The following RPH3AL variants were observed in gnomAD, a reference collection of about 807,000 sequenced individuals.
RPH3AL encodes rabphilin 3A like (without C2 domains).
Under a neutral mutation model 43.1 loss-of-function variants are expected in RPH3AL, and 38 were observed. The ratio of observed to expected loss-of-function variants is 0.88; its 90% CI spans 0.68 to 1.15. The LOEUF is 1.15. Among genes scored for constraint, RPH3AL ranks in the 50% most tolerant of loss-of-function variants. RPH3AL has a pLI of 0.00. For synonymous variants in RPH3AL, 189 were observed against 176.3 expected, an observed-to-expected ratio of 1.07 and a Z score of -0.57; for missense variants, 462 against 423.2, an observed-to-expected ratio of 1.09 and a Z score of -0.81.
At chr17:352,474 C>T (rs562732252) in intron 1 of RPH3AL, 3 of 151,508 alleles carry the variant, frequency 2.0e-5, no homozygotes, top group Admixed American at 1.3e-4. Flanking sequence ...ACCTGCGGCA[C>T]GAGGCTGTTC....
chr17:261,256 G>A (rs374390425), intron 6 of RPH3AL, among the ~76,000 whole-genome samples: 1 of 152,228 alleles, frequency 6.6e-6, no homozygotes, highest in African/African-American at 2.4e-5. Context: ...ACTTGTGAGT[G>A]ACAATGGACC....
intron 5 of RPH3AL, among the ~76,000 whole-genome samples, chr17:316,188 ACCTGTAGTTCCTGTGCCCCACCTCCATTG>A: frequency 7.1e-6 from 1 of 140,564 alleles, no homozygotes; most frequent in Non-Finnish European, 1.5e-5. Context: ...ACCTCCACTG[ACCTGTAGTTCCTGTGCCCCACCTCCATTG>A]ACCTGTAGTC....
intron 5 of RPH3AL, among the ~76,000 whole-genome samples, chr17:311,129 T>A (rs2043636492): frequency 6.6e-6 from 1 of 152,092 alleles, no homozygotes; most frequent in Non-Finnish European, 1.5e-5. Flanking sequence ...GACTCCACCC[T>A]CTTACAAGTC....
At position 242,245 on chromosome 17, in the gene RPH3AL, ATGATTACCTTCCTCTAT is replaced by A. The variant is rs1567576113; in HGVS notation, c.613+4849_613+4865del. On this transcript the variant is annotated intron_variant, in intron 7 of 9. Transcript: ENST00000331302. Reference sequence around the variant, plus strand: ...AGTTCATGACTTGTAGTATCTATTCATGATTACCTTCCTCTATTGATTACCTTCCTCTATTGACTACC... The same window carrying A: ...AGTTCATGACTTGTAGTATCTATTCATGATTACCTTCCTCTATTGACTACC... Among the ~76,000 whole-genome samples the A allele has an allele frequency of 1.6e-3, 236 of 151,220 alleles. 4 individuals are homozygous for A. The highest frequency in any genetic ancestry group is 4.6e-3 in the African/African-American group (191 of 41,122).
intron 7 of RPH3AL, among the ~76,000 whole-genome samples, chr17:242,371 C>T (rs2041569211): frequency 1.1e-4 from 2 of 18,972 alleles, no homozygotes; most frequent in Non-Finnish European, 2.3e-4. Flanking sequence ...CTATTGACTA[C>T]CTTCCTCTAT....
chr17:315,001 G>A (rs2043886591), intron 5 of RPH3AL, among the ~76,000 whole-genome samples: 3 of 146,858 alleles, frequency 2.0e-5, no homozygotes, highest in Non-Finnish European at 4.4e-5. Flanking sequence ...CCATTGACCT[G>A]TAGTCTCTGT....
intron 5 of RPH3AL, among the ~76,000 whole-genome samples, chr17:309,998 G>A (rs890309000): frequency 2.5e-4 from 38 of 152,124 alleles, no homozygotes; most frequent in Non-Finnish European, 4.9e-4. Flanking sequence ...TCGTTTCATA[G>A]GCAGGCTCCC....
In RPH3AL at chr17:232,829, CGTGTGTGTGTGTGTGTGTGTGTGT is replaced by C. The variant is rs71143481; in HGVS notation, c.614-13117_614-13094del. Among the ~76,000 whole-genome samples the C allele has an allele frequency of 1.8e-3, 217 of 119,510 alleles. 2 individuals are homozygous for C. Among genetic ancestry groups the C allele is most frequent in the African/African-American group, 4.7e-3 (143 of 30,510 alleles). 78.4% of individuals were successfully genotyped at this position (119,510 alleles called of 152,430 possible). A position where few individuals can be genotyped will look rare whatever the true frequency, so the allele number is the denominator to read the frequency against. On this transcript the variant is annotated intron_variant, in intron 7 of 9. Transcript: ENST00000331302. ...CTTGTCTCTAAACAGTCCTTTCCGGCGTGTGTGTGTGTGTGTGTGTGTGTGTGTGTGTGTGTGTGTGTGTGTGTG... is the reference window on the plus strand; with the variant it reads ...CTTGTCTCTAAACAGTCCTTTCCGGCGTGTGTGTGTGTGTGTGTGTGTGTG...
In RPH3AL at chr17:267,575, G is replaced by A. The variant is rs1023131949; in HGVS notation, c.438+14193C>T. Among the ~76,000 whole-genome samples the A allele has an allele frequency of 5.9e-5, 9 of 152,212 alleles. No homozygotes were observed. In the South Asian group the frequency reaches 1.2e-3, roughly 21 times the overall value. Reference sequence around the variant, plus strand: ...AACCCTGTCTGGGCTGACCCCAATCGGCAGGGCTCGAGGGTGGTGCAGAGC... The same window carrying A: ...AACCCTGTCTGGGCTGACCCCAATCAGCAGGGCTCGAGGGTGGTGCAGAGC... On this transcript the variant is annotated intron_variant, in intron 6 of 9. Coordinates refer to ENST00000331302, the MANE Select transcript of RPH3AL (RefSeq NM_006987.4).
chr17:218,514 A>C (rs1384903826), intron 8 of RPH3AL, among the ~76,000 whole-genome samples: 1 of 152,280 alleles, frequency 6.6e-6, no homozygotes, highest in Non-Finnish European at 1.5e-5. Context: ...TGGGGCAGTT[A>C]TTATGGAGCC....
At chr17:276,427 T>C (rs1198100010) in intron 6 of RPH3AL, among the ~76,000 whole-genome samples, 1 of 152,240 alleles carries the variant, frequency 6.6e-6, no homozygotes, top group Non-Finnish European at 1.5e-5. Flanking sequence ...AGTGAGCCTT[T>C]CTCACTAAGG....
At chr17:315,230 A>C (rs1598092647) in intron 5 of RPH3AL, among the ~76,000 whole-genome samples, 3 of 71,162 alleles carry the variant, frequency 4.2e-5, no homozygotes, top group Admixed American at 2.3e-4. Flanking sequence ...CTGTGCCCCC[A>C]CCTTCATTCA....
At chr17:258,359 G>A (rs929730400) in intron 6 of RPH3AL, among the ~76,000 whole-genome samples, 8 of 152,236 alleles carry the variant, frequency 5.3e-5, no homozygotes, top group Admixed American at 2.0e-4. Context: ...GCTGCAACGT[G>A]TCTCAACCTA....
chr17:236,433 T>C (rs1305041332), intron 7 of RPH3AL, among the ~76,000 whole-genome samples: 1 of 152,070 alleles, frequency 6.6e-6, no homozygotes, highest in Non-Finnish European at 1.5e-5. Context: ...CCATCCGTTA[T>C]GTTTGACTAT....
intron 5 of RPH3AL, among the ~76,000 whole-genome samples, chr17:296,046 G>A (rs1302295769): frequency 6.9e-6 from 1 of 144,338 alleles, no homozygotes; most frequent in Admixed American, 6.9e-5. Flanking sequence ...GGGAGGGACA[G>A]AGGAGCTGCA....
chr17:226,023 G>A (rs992235884), intron 7 of RPH3AL, among the ~76,000 whole-genome samples: 9 of 152,228 alleles, frequency 5.9e-5, no homozygotes, highest in Non-Finnish European at 1.0e-4. Flanking sequence ...GTGCCATGTC[G>A]TGAGGACGGC....
At chr17:285,896 G>A (rs902776662) in intron 5 of RPH3AL, among the ~76,000 whole-genome samples, 2 of 152,146 alleles carry the variant, frequency 1.3e-5, no homozygotes, top group African/African-American at 4.8e-5. Flanking sequence ...CACCTCCCCT[G>A]CGATTCACTA....
rs74855059 is a variant in RPH3AL, at chr17:305,598, AC to A, written c.351+13821del. Among the ~76,000 whole-genome samples, 3,128 of 152,170 alleles carry A rather than the reference AC, an allele frequency of 0.021. 321 individuals carry two copies. The East Asian group carries it at 0.33, about 16-fold the overall frequency. Reference sequence around the variant, plus strand: ...AGCCCCAACATCTCAAGAGCAGGACACCCGAGTGGAGATACTAGGTCACAGG... The same window carrying A: ...AGCCCCAACATCTCAAGAGCAGGACACCGAGTGGAGATACTAGGTCACAGG... On this transcript the variant is annotated intron_variant, in intron 5 of 9. Coordinates refer to ENST00000331302, the MANE Select transcript of RPH3AL (RefSeq NM_006987.4).
At chr17:281,141 T>C (rs1323949083) in intron 6 of RPH3AL, among the ~76,000 whole-genome samples, 2 of 152,110 alleles carry the variant, frequency 1.3e-5, no homozygotes, top group Non-Finnish European at 2.9e-5. Flanking sequence ...AGCCTCGACT[T>C]CCTTCCCTCA....
Sources: allele counts gnomAD v4.1 joint callset (sites outside exome capture counted in the v4.1 genomes callset), GRCh38; gene constraint gnomAD v4.1.1; transcripts MANE v1.5; gene names NCBI Gene and HGNC (gene_info 2026-07-23, HGNC 2026-07-21).